SBF2: variants seen among roughly 807,000 people sequenced by gnomAD.
The protein encoded by SBF2 is SET binding factor 2.
In SBF2, 112 loss-of-function variants were observed where a neutral mutation model predicts 225.2. The ratio of observed to expected loss-of-function variants is 0.50; its 90% confidence interval spans 0.43 to 0.58. The LOEUF (loss-of-function observed/expected upper bound fraction) is 0.58. SBF2 is among the 20% of genes least tolerant of loss of function. The probability of loss-of-function intolerance (pLI) is 0.00; values close to 1 mark genes in which losing one functional copy is unlikely to be tolerated. For synonymous variants in SBF2, 763 were observed against 773.3 expected, an observed-to-expected ratio of 0.99 and a Z score of 0.22; for missense variants, 1,996 against 2,206.2, an observed-to-expected ratio of 0.90 and a Z score of 1.91.
intron 1 of SBF2, among the ~76,000 whole-genome samples, chr11:10,291,819 A>G (rs1044882422): frequency 6.6e-6 from 1 of 152,242 alleles, no homozygotes; most frequent in Non-Finnish European, 1.5e-5. Flanking sequence ...AGCCTCGCAG[A>G]TATTACTTAT....
At chr11:10,096,352 A>T (rs1056787831) in intron 2 of SBF2, among the ~76,000 whole-genome samples, 7 of 151,934 alleles carry the variant, frequency 4.6e-5, no homozygotes, top group Admixed American at 1.3e-4. Flanking sequence ...TATATAACAA[A>T]ATAAAATATT....
intron 2 of SBF2, among the ~76,000 whole-genome samples, chr11:10,076,469 G>C (rs941239392): frequency 6.6e-6 from 1 of 152,232 alleles, no homozygotes; most frequent in Non-Finnish European, 1.5e-5. Context: ...GAATATGTGG[G>C]CTCCAGCTTT....
rs1258575895 is a variant in SBF2, at chr11:9,780,057, C to A, written c.*361G>T. On this transcript the variant is annotated 3_prime_UTR_variant, in exon 40 of 40. Coordinates refer to ENST00000256190, the MANE Select transcript of SBF2 (RefSeq NM_030962.4). Reference sequence around the variant, plus strand: ...AAACAGGTCTCCGAGGAAATTATGACCTCAGAGAACAAAAAAGGATCTATA... The same window carrying A: ...AAACAGGTCTCCGAGGAAATTATGAACTCAGAGAACAAAAAAGGATCTATA... 4 of 308,586 alleles carry A rather than the reference C, an allele frequency of 1.3e-5. No homozygotes were observed. The highest frequency in any genetic ancestry group is 4.1e-5 in the Admixed American group (1 of 24,656). The allele number at this position is 308,586 out of a possible 1,614,324, so 19.1% of individuals were successfully genotyped here.
At chr11:10,036,465 C>T (rs185546226) in intron 3 of SBF2, among the ~76,000 whole-genome samples, 11 of 152,036 alleles carry the variant, frequency 7.2e-5, no homozygotes, top group East Asian at 1.9e-4. Context: ...TAGTATTCTG[C>T]GGGACATAAT....
At chr11:10,213,919 A>C (rs1214044122) in intron 1 of SBF2, among the ~76,000 whole-genome samples, 4 of 152,210 alleles carry the variant, frequency 2.6e-5, no homozygotes, top group African/African-American at 9.7e-5. Context: ...TGCACTGAAC[A>C]CAGTTTAATA....
chr11:10,104,015 G>A (rs184014823), intron 2 of SBF2, among the ~76,000 whole-genome samples: 1 of 151,988 alleles, frequency 6.6e-6, no homozygotes, highest in East Asian at 1.9e-4. Flanking sequence ...CCCAGGAGGT[G>A]GAGGTTGCAG....
chr11:9,868,115 C>T (rs1363166974), intron 17 of SBF2, among the ~76,000 whole-genome samples: 1 of 151,818 alleles, frequency 6.6e-6, no homozygotes, highest in African/African-American at 2.4e-5. Context: ...CACTTGTACC[C>T]CATAAAAATG....
At chr11:10,267,267 G>A (rs1486308015) in intron 1 of SBF2, among the ~76,000 whole-genome samples, 1 of 151,700 alleles carries the variant, frequency 6.6e-6, no homozygotes, top group African/African-American at 2.4e-5. Context: ...ACCCGAAACT[G>A]TCTACACCCA....
chr11:9,926,935 G>GA (rs1051859859), intron 16 of SBF2, among the ~76,000 whole-genome samples: 1 of 151,982 alleles, frequency 6.6e-6, no homozygotes, highest in Non-Finnish European at 1.5e-5. Context: ...ACAACAGAGA[G>GA]AAAATCAATG....
At chr11:9,827,133 C>A (rs527532485) in intron 28 of SBF2, among the ~76,000 whole-genome samples, 1 of 152,100 alleles carries the variant, frequency 6.6e-6, no homozygotes, top group African/African-American at 2.4e-5. Flanking sequence ...CCACCGTGCC[C>A]GGCCTACTTA....
intron 2 of SBF2, among the ~76,000 whole-genome samples, chr11:10,174,528 C>T (rs1018165082): frequency 3.9e-5 from 6 of 152,156 alleles, no homozygotes; most frequent in African/African-American, 7.2e-5. Context: ...ACCAAATCTA[C>T]GTCTGACTGG....
At chr11:10,246,204 G>T (rs1252352340) in intron 1 of SBF2, among the ~76,000 whole-genome samples, 1 of 152,216 alleles carries the variant, frequency 6.6e-6, no homozygotes, top group Non-Finnish European at 1.5e-5. Context: ...ATACACTGTA[G>T]TGACGCTTTA....
At chr11:10,300,655 T>A (rs944355984) in intron 1 of SBF2, among the ~76,000 whole-genome samples, 1 of 152,120 alleles carries the variant, frequency 6.6e-6, no homozygotes, top group Non-Finnish European at 1.5e-5. Flanking sequence ...TATGGATGAT[T>A]CAAATGGCCT....
chr11:10,231,610 C>A (rs1472110108), intron 1 of SBF2, among the ~76,000 whole-genome samples: 1 of 152,228 alleles, frequency 6.6e-6, no homozygotes, highest in African/African-American at 2.4e-5. Context: ...GCAGCGGTGG[C>A]TGCAGAACAG....
At chr11:10,232,289 C>T (rs570052623) in intron 1 of SBF2, among the ~76,000 whole-genome samples, 15 of 152,340 alleles carry the variant, frequency 9.8e-5, no homozygotes, top group East Asian at 3.9e-4. Flanking sequence ...CTTCAGCTCA[C>T]GCTCGGTGCG....
chr11:9,902,319 C>T (rs1861783882), intron 16 of SBF2, among the ~76,000 whole-genome samples: 1 of 152,218 alleles, frequency 6.6e-6, no homozygotes, highest in Admixed American at 6.5e-5. Context: ...ACTCTACTGA[C>T]ATCAAGTATT....
intron 7 of SBF2, among the ~76,000 whole-genome samples, chr11:10,001,967 C>G (rs1947981479): frequency 6.6e-6 from 1 of 152,018 alleles, no homozygotes; most frequent in Admixed American, 6.6e-5. Flanking sequence ...TTAGTCATCA[C>G]TGTTTAGATT....
intron 6 of SBF2, among the ~76,000 whole-genome samples, chr11:10,026,030 GT>G (rs374047187): frequency 0.024 from 3,430 of 144,664 alleles, 49 homozygotes; most frequent in African/African-American, 0.046. Context: ...ATCTACAGTA[GT>G]TTTTTTTTTT....
At chr11:9,898,851 G>A (rs1260601901) in intron 16 of SBF2, among the ~76,000 whole-genome samples, 3 of 152,022 alleles carry the variant, frequency 2.0e-5, no homozygotes, top group South Asian at 2.1e-4. Context: ...AAATGAATAA[G>A]TGAATAAATA....
Sources: gnomAD v4.1 joint callset for allele counts (sites outside exome capture counted in the v4.1 genomes callset) on GRCh38, gnomAD v4.1.1 for gene constraint, MANE v1.5 for transcripts, NCBI Gene and HGNC (gene_info 2026-07-23, HGNC 2026-07-21) for gene names.